SEMA4D: variants seen among roughly 807,000 people sequenced by gnomAD.
SEMA4D encodes semaphorin 4D.
SEMA4D carries 22 observed loss-of-function variants against 74.8 expected under a neutral mutation model. The observed-to-expected ratio is 0.29, with a 90% CI of 0.21 to 0.42. SEMA4D has a LOEUF of 0.42. Among genes scored for constraint, SEMA4D ranks in the 10% least tolerant of loss-of-function variants. The pLI is 1.00. For missense variants in SEMA4D, 937 were observed against 1,118.4 expected (o/e 0.84, Z 2.31); for synonymous variants, 445 against 463.7 (o/e 0.96, Z 0.52).
rs924738253 is a variant in SEMA4D, at chr9:89,484,107, G to A, written c.-310+13812C>T. ...CTGGCAGGCACAGAAGGGCTTCCGGGCTCCCCCAGGAACTGGAGCCTTAAA... is the reference window on the plus strand; with the variant it reads ...CTGGCAGGCACAGAAGGGCTTCCGGACTCCCCCAGGAACTGGAGCCTTAAA... On this transcript the variant is annotated intron_variant, in intron 1 of 15. Transcript: ENST00000422704. This position sits in a 1 kb window ranked among gnomAD's most constrained non-coding sequence, Gnocchi z 4.1. Among the ~76,000 whole-genome samples the A allele has an allele frequency of 6.6e-6, 1 of 152,260 alleles. No homozygotes were observed.
chr9:89,494,689 G>T (rs951991123), intron 1 of SEMA4D, among the ~76,000 whole-genome samples: 1 of 152,142 alleles, frequency 6.6e-6, no homozygotes, highest in African/African-American at 2.4e-5. Flanking sequence ...TTTTCAAAGT[G>T]CATGCAAGTA....
Position 89,487,025 on chromosome 9 carries a change from C to T in SEMA4D, c.-310+10894G>A, listed in dbSNP as rs550011839. ...CCACTTCTCAAATCATTGTGTGGGG[C>T]AAACTTTACTTTGATACCAATATAA... On this transcript the variant is annotated intron_variant, in intron 1 of 15. Transcript: ENST00000422704. 2.0e-5 allele frequency among the ~76,000 whole-genome samples: 3 copies of T among 152,076 alleles called. No individual in the cohort carries two copies. In the East Asian group the frequency reaches 5.8e-4, roughly 29 times the overall value.
chr9:89,436,391 T>G (rs1282150974), intron 2 of SEMA4D: 1 of 152,220 alleles, frequency 6.6e-6, no homozygotes, highest in Non-Finnish European at 1.5e-5. Context: ...GGATGGATAC[T>G]CAGGACACCA....
At chr9:89,464,909 T>C (rs1858284962) in intron 1 of SEMA4D, among the ~76,000 whole-genome samples, 1 of 152,192 alleles carries the variant, frequency 6.6e-6, no homozygotes, top group Non-Finnish European at 1.5e-5. Flanking sequence ...AATGCAAGCA[T>C]ATGCTGGCTC....
chr9:89,363,274 C>CCG (rs1554729718), intron 18 of SEMA4D, among the ~76,000 whole-genome samples: 1 of 152,120 alleles, frequency 6.6e-6, no homozygotes, highest in African/African-American at 2.4e-5. Context: ...ATTTCCCCCC[C>CCG]CAGTGTTGCA....
chr9:89,385,266 A>G, intron 13 of SEMA4D: 1 of 985,364 alleles, frequency 1.0e-6, no homozygotes, highest in Non-Finnish European at 1.2e-6. Context: ...ACAGAGTGTC[A>G]TTCTCACGAA....
chr9:89,450,659 G>GAAAAAAAAAAAAAAAAAA lies in SEMA4D; in HGVS notation c.-244+5228_-244+5229insTTTTTTTTTTTTTTTTTT, dbSNP rs1564832883. 632 of 421,024 alleles carry GAAAAAAAAAAAAAAAAAA rather than the reference G, an allele frequency of 1.5e-3. 148 individuals are homozygous for GAAAAAAAAAAAAAAAAAA. Among genetic ancestry groups the GAAAAAAAAAAAAAAAAAA allele is most frequent in the Non-Finnish European group, 1.9e-3 (479 of 254,208 alleles). 26.1% of individuals were successfully genotyped at this position (421,024 alleles called of 1,614,324 possible). On this transcript the variant is annotated intron_variant, in intron 2 of 15. Coordinates refer to ENST00000422704, the MANE Select transcript of SEMA4D (RefSeq NM_001371194.2). The stretch of plus-strand genomic sequence containing the variant: ...AGAGTTCTGCAAGTCGAAAAACCCA[G>GAAAAAAAAAAAAAAAAAA]GAAAAAAAAAAAAAAAAAAAAAAAA...
intron 16 of SEMA4D, among the ~76,000 whole-genome samples, chr9:89,370,898 C>T (rs1287781086): frequency 1.8e-4 from 20 of 111,396 alleles, no homozygotes; most frequent in Admixed American, 6.4e-4. Context: ...GGATGTGTGG[C>T]ATGTGACTGG....
intron 13 of SEMA4D, chr9:89,385,102 G>GC: frequency 5.2e-6 from 5 of 962,478 alleles, no homozygotes; most frequent in Non-Finnish European, 6.2e-6. Flanking sequence ...CCCTGGTGTG[G>GC]CCATGTGACC....
intron 18 of SEMA4D, among the ~76,000 whole-genome samples, chr9:89,362,847 C>A (rs1018323411): frequency 6.6e-6 from 1 of 152,212 alleles, no homozygotes; most frequent in Non-Finnish European, 1.5e-5. Context: ...TGAATCCCTG[C>A]CTTTGCCTTC....
intron 4 of SEMA4D, among the ~76,000 whole-genome samples, chr9:89,400,721 T>G (rs943690329): frequency 6.6e-6 from 1 of 152,202 alleles, no homozygotes; most frequent in South Asian, 2.1e-4. Context: ...GAACGTACAC[T>G]TCAACAGACT....
At chr9:89,413,176 AGACAGGGTTGTGAAATG>A (rs1844904622) in intron 2 of SEMA4D, among the ~76,000 whole-genome samples, 1 of 152,222 alleles carries the variant, frequency 6.6e-6, no homozygotes, top group Admixed American at 6.5e-5. Context: ...CCCATTAGAA[AGACAGGGTTGTGAAATG>A]TCACTCTCAT....
chr9:89,390,584 C>T (rs1839643812), intron 9 of SEMA4D, among the ~76,000 whole-genome samples: 1 of 152,214 alleles, frequency 6.6e-6, no homozygotes, highest in South Asian at 2.1e-4. Context: ...GTCATGACTA[C>T]ATGAGAAAGG....
chr9:89,434,820 G>A (rs1182473746), intron 2 of SEMA4D, among the ~76,000 whole-genome samples: 2 of 152,202 alleles, frequency 1.3e-5, no homozygotes, highest in African/African-American at 2.4e-5. Context: ...GAAGTCTCCA[G>A]GGCCCTGTCA....
At chr9:89,428,224 C>A (rs2134486427) in intron 2 of SEMA4D, among the ~76,000 whole-genome samples, 1 of 152,324 alleles carries the variant, frequency 6.6e-6, no homozygotes, top group African/African-American at 2.4e-5. Context: ...TCTCAGTGGT[C>A]ACAAGTTGAG....
chr9:89,415,059 T>TTC (rs1372420964), intron 2 of SEMA4D, among the ~76,000 whole-genome samples: 2 of 152,168 alleles, frequency 1.3e-5, no homozygotes, highest in Non-Finnish European at 2.9e-5. Flanking sequence ...AACAGGGCCC[T>TTC]TCAGAGGAAG....
At chr9:89,394,389 C>A (rs1429166094) in intron 6 of SEMA4D, among the ~76,000 whole-genome samples, 1 of 152,204 alleles carries the variant, frequency 6.6e-6, no homozygotes, top group Non-Finnish European at 1.5e-5. Flanking sequence ...GTCTCCATCC[C>A]TGAACATGTG....
downstream of SEMA4D, among the ~76,000 whole-genome samples, chr9:89,372,884 G>A (rs775001401): frequency 6.6e-5 from 10 of 152,072 alleles, no homozygotes; most frequent in Non-Finnish European, 1.3e-4. Flanking sequence ...CCAGGGACAA[G>A]GCTGGCCTGT....
intron 2 of SEMA4D, among the ~76,000 whole-genome samples, chr9:89,455,605 C>A (rs1320473709): frequency 6.6e-6 from 1 of 152,196 alleles, no homozygotes; most frequent in South Asian, 2.1e-4. Context: ...ACCAAACAAG[C>A]CACACTCAGC....
Sources: allele counts gnomAD v4.1 joint callset (sites outside exome capture counted in the v4.1 genomes callset), GRCh38; gene constraint gnomAD v4.1.1; non-coding constraint Gnocchi (gnomAD v3.1); transcripts MANE v1.5; gene names NCBI Gene and HGNC (gene_info 2026-07-23, HGNC 2026-07-21).